The following INSL6 variants were observed in gnomAD, a reference collection of about 807,000 sequenced individuals.
The protein encoded by INSL6 is insulin-like peptide INSL6.
In INSL6, 16 loss-of-function variants were observed where a neutral mutation model predicts 9.4. The ratio of observed to expected loss-of-function variants is 1.70; its 90% CI spans 1.15 to 2.59. INSL6 has a LOEUF of 2.59. INSL6 is among the 30% of genes most tolerant of loss of function. INSL6 has a pLI of 0.00. For synonymous variants in INSL6, 154 were observed against 96.9 expected (o/e 1.59, Z -3.46); for missense variants, 391 against 257.3 (o/e 1.52, Z -3.56).
At chr9:5,147,430 A>T (rs1380714234) in intron 2 of INSL6, among the ~76,000 whole-genome samples, 1 of 152,194 alleles carries the variant, frequency 6.6e-6, no homozygotes, top group African/African-American at 2.4e-5. Flanking sequence ...AATGGCAGAG[A>T]ACTTTCAGTT....
At chr9:5,059,473 T>C in the INSL6 span, among the ~76,000 whole-genome samples, 1 of 152,154 alleles carries the variant, frequency 6.6e-6, no homozygotes, top group Non-Finnish European at 1.5e-5. Context: ...TTGATGGACA[T>C]TTGGGTTGCT....
intron 2 of INSL6, among the ~76,000 whole-genome samples, chr9:5,154,745 C>T (rs1050195964): frequency 1.8e-3 from 275 of 152,310 alleles, no homozygotes; most frequent in Non-Finnish European, 2.9e-3. Flanking sequence ...CACTGGCCAT[C>T]AGAGAAATGC....
At chr9:5,138,432 G>A (rs1669579171) in intron 2 of INSL6, among the ~76,000 whole-genome samples, 1 of 152,168 alleles carries the variant, frequency 6.6e-6, no homozygotes, top group Non-Finnish European at 1.5e-5. Context: ...GCCCTTTGCA[G>A]GGACACAGAT....
chr9:5,176,736 G>C (rs541399949), intron 1 of INSL6, among the ~76,000 whole-genome samples: 1 of 149,522 alleles, frequency 6.7e-6, no homozygotes, highest in African/African-American at 2.5e-5. Flanking sequence ...AAAAAAAATG[G>C]TATAAGTTTA....
the INSL6 span, chr9:5,022,128 T>A: frequency 6.2e-7 from 1 of 1,614,136 alleles, no homozygotes; most frequent in Non-Finnish European, 8.5e-7. Flanking sequence ...ACCATTCCCT[T>A]GGGAAATCTG....
At chr9:5,081,825 A>G in the INSL6 span, 2 of 1,613,776 alleles carry the variant, frequency 1.2e-6, no homozygotes, top group Non-Finnish European at 1.7e-6. Context: ...CACAGTTTGA[A>G]GAGAGACATT....
intron 2 of INSL6, among the ~76,000 whole-genome samples, chr9:5,146,098 T>C (rs146153204): frequency 1.2e-4 from 18 of 152,314 alleles, no homozygotes; most frequent in African/African-American, 4.1e-4. Flanking sequence ...TTTCAATCTT[T>C]GAGGTTGTTA....
At chr9:5,034,661 G>C in the INSL6 span, among the ~76,000 whole-genome samples, 2 of 152,020 alleles carry the variant, frequency 1.3e-5, no homozygotes, top group African/African-American at 4.8e-5. Flanking sequence ...CGAAATGACG[G>C]CAGAAATAAA....
At chr9:5,183,983 G>C (rs968414543) in intron 1 of INSL6, among the ~76,000 whole-genome samples, 1 of 152,186 alleles carries the variant, frequency 6.6e-6, no homozygotes, top group Admixed American at 6.5e-5. Flanking sequence ...AGTAAAAGTA[G>C]AAGACTGGGG....
the INSL6 span, among the ~76,000 whole-genome samples, chr9:5,032,184 G>C: frequency 2.0e-5 from 3 of 152,224 alleles, no homozygotes; most frequent in Non-Finnish European, 1.5e-5. Context: ...ACTGCAAGGT[G>C]GCAGCGAGGC....
the INSL6 span, chr9:5,066,683 AT>A: frequency 6.3e-7 from 1 of 1,581,196 alleles, no homozygotes. Context: ...TTTAGGATGG[AT>A]TTTGCCATTA....
the INSL6 span, among the ~76,000 whole-genome samples, chr9:5,053,390 C>G: frequency 6.6e-6 from 1 of 152,110 alleles, no homozygotes; most frequent in South Asian, 2.1e-4. Context: ...CACATATAAT[C>G]ATATTTATGA....
chr9:5,015,699 C>G, the INSL6 span, among the ~76,000 whole-genome samples: 7 of 151,932 alleles, frequency 4.6e-5, no homozygotes, highest in Non-Finnish European at 8.8e-5. Context: ...AAAGCCAATT[C>G]GAGTCACTTA....
intron 1 of INSL6, among the ~76,000 whole-genome samples, chr9:5,177,826 A>G (rs1025473579): frequency 6.6e-6 from 1 of 152,118 alleles, no homozygotes; most frequent in African/African-American, 2.4e-5. Flanking sequence ...GGTACCCCAC[A>G]ACACAGCACA....
At chr9:5,073,904 T>C in the INSL6 span, 1 of 659,218 alleles carries the variant, frequency 1.5e-6, no homozygotes, top group Non-Finnish European at 2.6e-6. Flanking sequence ...TAACAGGAGT[T>C]AAGTATTTTT....
chr9:5,059,921 T>C, the INSL6 span, among the ~76,000 whole-genome samples: 164 of 152,338 alleles, frequency 1.1e-3, no homozygotes, highest in African/African-American at 3.7e-3. Context: ...CTGTAGAGTC[T>C]CTATAGATTC....
At chr9:5,136,077 G>T (rs1286397195) in intron 2 of INSL6, among the ~76,000 whole-genome samples, 1 of 152,096 alleles carries the variant, frequency 6.6e-6, no homozygotes, top group Non-Finnish European at 1.5e-5. Flanking sequence ...AAACCAGAAA[G>T]AAGTCAAATC....
chr9:5,041,286 C>G, the INSL6 span: 1 of 1,024,874 alleles, frequency 9.8e-7, no homozygotes, highest in East Asian at 2.4e-5. Flanking sequence ...AAGGGGTACA[C>G]TGGTCTCAGG....
intron 1 of INSL6, among the ~76,000 whole-genome samples, chr9:5,177,449 G>C (rs1825335614): frequency 6.6e-6 from 1 of 152,200 alleles, no homozygotes; most frequent in South Asian, 2.1e-4. Context: ...TGCCACTAGG[G>C]CCTTGGGTTC....
Sources: gnomAD v4.1 joint callset for allele counts (sites outside exome capture counted in the v4.1 genomes callset) on GRCh38, gnomAD v4.1.1 for gene constraint, MANE v1.5 for transcripts, NCBI Gene and HGNC (gene_info 2026-07-23, HGNC 2026-07-21) for gene names.